ADGRA2: variants seen among roughly 807,000 people sequenced by gnomAD.
The protein encoded by ADGRA2 is adhesion G protein-coupled receptor A2, also known as G-protein coupled receptor 124.
In ADGRA2, 61 loss-of-function variants were observed where a neutral mutation model predicts 98.7. That is an observed-to-expected ratio of 0.62 (90% confidence interval 0.50 to 0.76). The LOEUF (loss-of-function observed/expected upper bound fraction) is 0.76, where lower values mean the gene tolerates loss of function less well. Among genes scored for constraint, ADGRA2 ranks in the 30% least tolerant of loss-of-function variants. The probability of loss-of-function intolerance (pLI) is 0.00; values close to 1 mark genes in which losing one functional copy is unlikely to be tolerated. For synonymous variants in ADGRA2, 858 were observed against 831.5 expected, an observed-to-expected ratio of 1.03 and a Z score of -0.55; for missense variants, 1,712 against 1,860.0, an observed-to-expected ratio of 0.92 and a Z score of 1.46.
At chr8:37,833,933 G>C in intron 10 of ADGRA2, 34 bp from the exon 11 acceptor site, 2 of 1,605,260 alleles carry the variant, frequency 1.2e-6, no homozygotes, top group South Asian at 2.2e-5. Flanking sequence ...CCCAAACCCC[G>C]CCCCTGCCCT....
intron 10 of ADGRA2, 30 bp downstream of exon 10, chr8:37,833,867 G>C (rs889777241): frequency 1.9e-6 from 3 of 1,611,494 alleles, no homozygotes; most frequent in African/African-American, 2.7e-5. Context: ...CAGGAGCTCG[G>C]AAAACGCCCC....
intron 1 of ADGRA2, among the ~76,000 whole-genome samples, chr8:37,801,879 T>C (rs1804517243): frequency 6.6e-6 from 1 of 152,216 alleles, no homozygotes; most frequent in Non-Finnish European, 1.5e-5. Context: ...AAAACCCGGT[T>C]CCTTCCCAGC....
At chr8:37,815,062 T>A in intron 2 of ADGRA2, 95 bp downstream of exon 2, 1 of 898,274 alleles carries the variant, frequency 1.1e-6, no homozygotes, top group Non-Finnish European at 1.9e-6. Context: ...GCTGAGTGAC[T>A]CCAGAACCTG....
intron 2 of ADGRA2, among the ~76,000 whole-genome samples, chr8:37,815,874 T>TCCACA (rs1804964175): frequency 6.6e-6 from 1 of 152,292 alleles, no homozygotes; most frequent in East Asian, 1.9e-4. Context: ...AGAGGAAGCC[T>TCCACA]GGGCCTCCCA....
Position 37,814,820 on chromosome 8 carries a change from GC to G in ADGRA2, c.267-72del. 9.4e-7 allele frequency: 1 copy of G among 1,064,124 alleles called. No individual in the cohort carries two copies. Among genetic ancestry groups the G allele is most frequent in the Non-Finnish European group, 1.5e-6 (1 of 681,632 alleles). 65.9% of individuals were successfully genotyped at this position (1,064,124 alleles called of 1,614,324 possible). A position where few individuals can be genotyped will look rare whatever the true frequency, so the allele number is the denominator to read the frequency against. On this transcript the variant is annotated intron_variant, in intron 1 of 18. Transcript: ENST00000412232. This position sits in a 1 kb window ranked among gnomAD's most constrained non-coding sequence, Gnocchi z 4.3. The stretch of plus-strand genomic sequence containing the variant: ...GCGCCATTGACAAAGATGCAAGCTG[GC>G]CCCACCAGTGGTGAAAGCGGATGCC...
At position 37,841,566 on chromosome 8, in the gene ADGRA2, G is replaced by T; in HGVS notation, c.3228G>T (p.Val1076=). Residue 1076 remains valine (V), a synonymous_variant, in exon 19 of 19, where the codon GTG becomes GTT. Coordinates refer to ENST00000412232, the MANE Select transcript of ADGRA2 (RefSeq NM_032777.10). The surrounding 1 kb of genome is among the most constrained non-coding windows in gnomAD (Gnocchi z 5.0). ...FTHHCARRRD[V]RASWRACCPP... ...ACCACTGTGCCAGGCGGAGGGACGTGAGAGCCTCGTGGCGCGCCTGCTGCC... is the reference window on the plus strand; with the variant it reads ...ACCACTGTGCCAGGCGGAGGGACGTTAGAGCCTCGTGGCGCGCCTGCTGCC... The T allele has an allele frequency of 6.2e-7, 1 of 1,607,622 alleles. No homozygotes were observed.
chr8:37,844,658 C>T lies in ADGRA2; in HGVS notation c.*2303C>T, dbSNP rs1805916893. 2.5e-6 allele frequency: 4 copies of T among 1,614,020 alleles called. No homozygotes were observed. Among genetic ancestry groups the T allele is most frequent in the Non-Finnish European group, 3.4e-6 (4 of 1,180,036 alleles). On this transcript the variant is annotated 3_prime_UTR_variant, in exon 19 of 19. Transcript: ENST00000412232. ...GTACAGGGCAGATCCGCTTCGGGGA[C>T]TTCAACATGCAGGGTGGCAAGAGAA...
chr8:37,825,693 T>C (rs1805258793), intron 2 of ADGRA2, among the ~76,000 whole-genome samples: 1 of 152,060 alleles, frequency 6.6e-6, no homozygotes, highest in Non-Finnish European at 1.5e-5. Context: ...AAACAACCAA[T>C]CTATAGGAGA....
rs1392886023 is a variant in ADGRA2 at position 37,842,514 on chromosome 8, T to A, written c.*159T>A. On this transcript the variant is annotated 3_prime_UTR_variant, in exon 19 of 19. Transcript: ENST00000412232. ...ATGTTCCCCACTTGCCTAGAGGGCA[T>A]CCCTCTGGGGTAGCGACAGACAATC... 8.3e-7 allele frequency: 1 copy of A among 1,204,902 alleles called. No homozygotes were observed. Among genetic ancestry groups the A allele is most frequent in the Non-Finnish European group, 1.1e-6 (1 of 915,906 alleles). The allele number at this position is 1,204,902 out of a possible 1,614,324, so 74.6% of individuals were successfully genotyped here.
chr8:37,825,472 C>G (rs1563345481), intron 2 of ADGRA2, among the ~76,000 whole-genome samples: 2 of 151,114 alleles, frequency 1.3e-5, no homozygotes, highest in Non-Finnish European at 1.5e-5. Context: ...TGGTCTCGAA[C>G]TCCTGACCTC....
chr8:37,827,465 A>C (rs1805314116), intron 2 of ADGRA2, among the ~76,000 whole-genome samples: 1 of 152,198 alleles, frequency 6.6e-6, no homozygotes, highest in Admixed American at 6.5e-5. Context: ...CAGGTGAGGA[A>C]GGGGGCAGAG....
intron 1 of ADGRA2, among the ~76,000 whole-genome samples, chr8:37,799,971 C>T (rs1210300951): frequency 6.6e-6 from 1 of 152,160 alleles, no homozygotes; most frequent in East Asian, 1.9e-4. Flanking sequence ...CCAGGCTCTC[C>T]TTCAGCAGAA....
Position 37,843,406 on chromosome 8 carries a change from C to T in ADGRA2, c.*1051C>T, listed in dbSNP as rs1805873700. On this transcript the variant is annotated 3_prime_UTR_variant, in exon 19 of 19. Coordinates refer to ENST00000412232, the MANE Select transcript of ADGRA2 (RefSeq NM_032777.10). ...AAATGTCAAACCAGCTTCCCGACTC[C>T]CAGGAGCTCAAGCCAAGCCCAGAGG... The T allele has an allele frequency of 6.6e-6, 1 of 152,310 alleles. No individual in the cohort carries two copies. Among genetic ancestry groups the T allele is most frequent in the Non-Finnish European group, 1.5e-5 (1 of 68,104 alleles). 9.4% of individuals were successfully genotyped at this position (152,310 alleles called of 1,614,324 possible). A position where few individuals can be genotyped will look rare whatever the true frequency, so the allele number is the denominator to read the frequency against.
chr8:37,797,442 C>G lies in ADGRA2; in HGVS notation c.174C>G (p.Val58=). Reference sequence around the variant, plus strand: ...GGCCCAAGGGGCTGAGCGGCGGCGTCCCTGGCCCGGCTCGGCGGAGGGTGG... The same window carrying G: ...GGCCCAAGGGGCTGAGCGGCGGCGTGCCTGGCCCGGCTCGGCGGAGGGTGG... The part of the protein sequence containing the change: ...GERPKGLSGG[V]PGPARRRVVC... Residue 58 remains valine, a synonymous_variant, in exon 1 of 19, where the codon GTC becomes GTG. Coordinates refer to ENST00000412232, the MANE Select transcript of ADGRA2 (RefSeq NM_032777.10). This position sits in a 1 kb window ranked among gnomAD's most constrained non-coding sequence, Gnocchi z 5.3. 1 of 1,416,844 alleles carries G rather than the reference C, an allele frequency of 7.1e-7. No homozygotes were observed. Among genetic ancestry groups the G allele is most frequent in the Non-Finnish European group, 9.2e-7 (1 of 1,084,106 alleles). The allele number at this position is 1,416,844 out of a possible 1,614,324, so 87.8% of individuals were successfully genotyped here. A position where few individuals can be genotyped will look rare whatever the true frequency, so the allele number is the denominator to read the frequency against.
intron 17 of ADGRA2, 58 bp from the exon 18 acceptor site, chr8:37,840,702 C>G (rs1180747600): frequency 2.8e-5 from 25 of 877,980 alleles, no homozygotes; most frequent in Non-Finnish European, 4.5e-5. Flanking sequence ...CTCTAAGCAC[C>G]CAGTTCTTCC....
chr8:37,828,016 C>G (rs1805329772), intron 2 of ADGRA2, among the ~76,000 whole-genome samples: 1 of 151,908 alleles, frequency 6.6e-6, no homozygotes, highest in South Asian at 2.1e-4. Context: ...GTGGCGCACA[C>G]CTGTGGTGCC....
Position 37,844,146 on chromosome 8 carries a change from C to A in ADGRA2, c.*1791C>A. 3.8e-6 allele frequency: 1 copy of A among 261,276 alleles called. No homozygotes were observed. The highest frequency in any genetic ancestry group is 7.4e-6 in the Non-Finnish European group (1 of 134,256). The allele number at this position is 261,276 out of a possible 1,614,324, so 16.2% of individuals were successfully genotyped here. ...AACCACTCCACAAGCAGAGGGAAGCCCCCTCAGGCCTGCAGGAGGAGCCGC... is the reference window on the plus strand; with the variant it reads ...AACCACTCCACAAGCAGAGGGAAGCACCCTCAGGCCTGCAGGAGGAGCCGC... On this transcript the variant is annotated 3_prime_UTR_variant, in exon 19 of 19. Coordinates refer to ENST00000412232, the MANE Select transcript of ADGRA2 (RefSeq NM_032777.10).
rs199513729 is a variant in ADGRA2 at position 37,835,163 on chromosome 8, C to T, written c.1609-11C>T. ...TCTCAAATGGTGGGATGACAAGGTC[C>T]CTGTCCCCAGAATGCGAGGAACGTG... On this transcript the variant is annotated splice_polypyrimidine_tract_variant and intron_variant, in intron 11 of 18. Transcript: ENST00000412232. 8.1e-6 allele frequency: 13 copies of T among 1,604,914 alleles called. No individual in the cohort carries two copies. The African/African-American group carries it at 1.7e-4, about 21-fold the overall frequency.
chr8:37,839,713 C>A, intron 16 of ADGRA2, 91 bp downstream of exon 16: 1 of 1,504,168 alleles, frequency 6.6e-7, no homozygotes, highest in Non-Finnish European at 9.1e-7. Flanking sequence ...AAGAAAAAGG[C>A]TGGTGCTCAT....
Sources: gnomAD v4.1 joint callset for allele counts (sites outside exome capture counted in the v4.1 genomes callset) on GRCh38, gnomAD v4.1.1 for gene constraint, Gnocchi (gnomAD v3.1) non-coding constraint, MANE v1.5 for transcripts, NCBI Gene and HGNC (gene_info 2026-07-23, HGNC 2026-07-21) for gene names.